Variants in MSN observed in about 807,000 individuals in gnomAD.
MSN encodes epididymis luminal protein 70.
Under a neutral mutation model 48.0 loss-of-function variants are expected in MSN, and 2 were observed. The ratio of observed to expected loss-of-function variants is 0.04; its 90% confidence interval spans 0.02 to 0.13. The LOEUF (loss-of-function observed/expected upper bound fraction) is 0.13, where lower values mean the gene tolerates loss of function less well. Ranked by LOEUF, MSN falls within the 10% of genes least tolerant of loss-of-function variation. MSN has a pLI of 1.00. For missense variants in MSN, 267 were observed against 470.1 expected (o/e 0.57, Z 3.99); for synonymous variants, 146 against 166.9 (o/e 0.87, Z 0.97).
chrX:65,615,118 A>G (rs1346136801), intron 1 of MSN, among the ~76,000 whole-genome samples: 1 of 108,853 alleles, frequency 9.2e-6, no homozygotes, highest in African/African-American at 3.4e-5. Context: ...TGGACATTTG[A>G]GTTGGTTCCA....
intron 1 of MSN, among the ~76,000 whole-genome samples, chrX:65,641,602 T>TG (rs1569457293): frequency 3.4e-5 from 2 of 59,256 alleles, no homozygotes; most frequent in Admixed American, 2.2e-4. Context: ...ATATATATAT[T>TG]TTAGCATATT....
chrX:65,716,056 G>A (rs1329300953), intron 1 of MSN, among the ~76,000 whole-genome samples: 5 of 111,727 alleles, frequency 4.5e-5, no homozygotes, highest in African/African-American at 1.6e-4. Context: ...TTTATTGAAA[G>A]CTTTTTCTGC....
chrX:65,629,683 A>C (rs1045055910), intron 1 of MSN, among the ~76,000 whole-genome samples: 1 of 111,970 alleles, frequency 8.9e-6, no homozygotes, highest in African/African-American at 3.3e-5. Context: ...AAGCAAAAGC[A>C]GAAACCCCAG....
chrX:65,623,368 C>CTTTTTTTTTTTTTTTTTTTTTTTTTT (rs773663630), intron 1 of MSN, among the ~76,000 whole-genome samples: 6 of 74,164 alleles, frequency 8.1e-5, no homozygotes, highest in Admixed American at 1.5e-4. Context: ...TCTTTCTTTT[C>CTTTTTTTTTTTTTTTTTTTTTTTTTT]TTTTTTTTTT....
intron 1 of MSN, among the ~76,000 whole-genome samples, chrX:65,610,192 T>C (rs1156322742): frequency 1.8e-5 from 2 of 111,952 alleles, no homozygotes; most frequent in Non-Finnish European, 3.8e-5. Flanking sequence ...CATCACCACT[T>C]ATCTATTTCT....
chrX:65,667,942 C>A (rs1316728928), intron 1 of MSN, 89 bp downstream of exon 1: 10 of 1,031,052 alleles, frequency 9.7e-6, no homozygotes, highest in Non-Finnish European at 1.3e-5. Flanking sequence ...TGGCCAGCCA[C>A]CGGCCCGCCT....
chrX:65,663,099 A>G (rs2070836825), upstream of MSN, among the ~76,000 whole-genome samples: 1 of 110,932 alleles, frequency 9.0e-6, no homozygotes, highest in Non-Finnish European at 1.9e-5. Flanking sequence ...CTCTACTAAA[A>G]ATACAAAAAT....
intron 1 of MSN, among the ~76,000 whole-genome samples, chrX:65,699,597 A>C (rs2071280418): frequency 9.1e-6 from 1 of 109,848 alleles, no homozygotes; most frequent in South Asian, 4.0e-4. Context: ...AAAATAAAAA[A>C]AAATAGCTGG....
intron 6 of MSN, among the ~76,000 whole-genome samples, chrX:65,732,385 C>T (rs1258197414): frequency 2.7e-5 from 3 of 112,604 alleles, no homozygotes; most frequent in African/African-American, 9.7e-5. Context: ...ACTAAACTTA[C>T]TATAATTTTA....
chrX:65,701,875 A>AG (rs1317106130), intron 1 of MSN, among the ~76,000 whole-genome samples: 1 of 111,429 alleles, frequency 9.0e-6, no homozygotes, highest in Non-Finnish European at 1.9e-5. Flanking sequence ...TTAGGTAGGG[A>AG]GGAGCAGGGA....
chrX:65,681,920 ATTTTT>A (rs911157981), intron 1 of MSN, among the ~76,000 whole-genome samples: 1 of 107,585 alleles, frequency 9.3e-6, no homozygotes, highest in Non-Finnish European at 1.9e-5. Flanking sequence ...CCAGTTTTTT[ATTTTT>A]TTTTTAAGTA....
intron 5 of MSN, 36 bp downstream of exon 5, chrX:65,731,226 C>A (rs772794140): frequency 1.1e-5 from 12 of 1,079,999 alleles, no homozygotes; most frequent in Non-Finnish European, 1.4e-5. Flanking sequence ...CCCCACTTCC[C>A]TTACAGGGTG....
chrX:65,596,445 G>T (rs1350466508), intron 1 of MSN, among the ~76,000 whole-genome samples: 1 of 110,337 alleles, frequency 9.1e-6, no homozygotes, highest in Non-Finnish European at 1.9e-5. Flanking sequence ...CCCCTTTCAA[G>T]GCCTCTGGCT....
At chrX:65,681,964 C>T (rs1436142814) in intron 1 of MSN, among the ~76,000 whole-genome samples, 1 of 111,405 alleles carries the variant, frequency 9.0e-6, no homozygotes, top group African/African-American at 3.3e-5. Flanking sequence ...ACCATCTCCT[C>T]ACTCATTTGA....
intron 1 of MSN, among the ~76,000 whole-genome samples, chrX:65,711,846 A>T (rs1324811266): frequency 9.0e-6 from 1 of 111,597 alleles, no homozygotes; most frequent in Non-Finnish European, 1.9e-5. Context: ...TCTATCTCCA[A>T]TATCCCTTGT....
intron 1 of MSN, among the ~76,000 whole-genome samples, chrX:65,711,605 C>A (rs1259450817): frequency 8.9e-6 from 1 of 112,419 alleles, no homozygotes. Flanking sequence ...CTAATAAGAC[C>A]TAGTGCTCGG....
At chrX:65,731,739 G>A in intron 5 of MSN, 99 bp from the exon 6 acceptor site, 3 of 988,968 alleles carry the variant, frequency 3.0e-6, no homozygotes, top group Non-Finnish European at 2.8e-6. Flanking sequence ...ACTCCTGATA[G>A]CAAGATCCTT....
chrX:65,686,656 T>A (rs2071118133), intron 1 of MSN, among the ~76,000 whole-genome samples: 1 of 112,538 alleles, frequency 8.9e-6, no homozygotes, highest in African/African-American at 3.2e-5. Context: ...CATACTTACT[T>A]GCTGTTTGAC....
rs1214988563 is a variant in MSN, at chrX:65,589,490, C to T, written c.-22+878C>T. ...CACTGTCCTCCTGATTCCTGAAGACCGAGGAGGAAAAGGCACTCCAGCTCC... is the reference window on the plus strand; with the variant it reads ...CACTGTCCTCCTGATTCCTGAAGACTGAGGAGGAAAAGGCACTCCAGCTCC... On this transcript the variant is annotated intron_variant, in intron 1 of 3. Transcript: ENST00000609672. Among the ~76,000 whole-genome samples, 4 of 112,221 alleles carry T rather than the reference C, an allele frequency of 3.6e-5. 1 individual carries two copies. The South Asian group carries it at 1.5e-3, about 42-fold the overall frequency.
Sources: gnomAD v4.1 joint callset for allele counts (sites outside exome capture counted in the v4.1 genomes callset) on GRCh38, gnomAD v4.1.1 for gene constraint, MANE v1.5 for transcripts, NCBI Gene and HGNC (gene_info 2026-07-23, HGNC 2026-07-21) for gene names.